Variants in IFFO1 observed in about 807,000 individuals in gnomAD.
The protein encoded by IFFO1 is non-homologous end joining factor IFFO1.
Under a neutral mutation model 59.6 loss-of-function variants are expected in IFFO1, and 42 were observed. The observed-to-expected ratio is 0.70, with a 90% CI of 0.55 to 0.91. IFFO1 has a LOEUF of 0.91. Among genes scored for constraint, IFFO1 ranks in the 40% least tolerant of loss-of-function variants. The pLI, the probability that IFFO1 is intolerant of heterozygous loss-of-function variation, is 0.00. For synonymous variants in IFFO1, 336 were observed against 342.8 expected (o/e 0.98, Z 0.22); for missense variants, 711 against 793.2 (o/e 0.90, Z 1.24).
At chr12:6,542,310 G>A (rs1946754340) in intron 8 of IFFO1, among the ~76,000 whole-genome samples, 2 of 152,182 alleles carry the variant, frequency 1.3e-5, no homozygotes, top group South Asian at 4.1e-4. Flanking sequence ...AAAACACGGG[G>A]CTCAGAATCA....
Position 6,549,996 on chromosome 12 carries a change from C to G in IFFO1, c.931-100G>C, listed in dbSNP as rs1294177617. 3 of 1,313,652 alleles carry G rather than the reference C, an allele frequency of 2.3e-6. No homozygotes were observed. Among genetic ancestry groups the G allele is most frequent in the African/African-American group, 1.5e-5 (1 of 68,182 alleles). The allele number at this position is 1,313,652 out of a possible 1,614,324, so 81.4% of individuals were successfully genotyped here. The stretch of plus-strand genomic sequence containing the variant: ...CCTCATCCTTCCCACCACATTGCAC[C>G]GGTGCCTCTTCTGTGGAGTCTCCCT... On this transcript the variant is annotated intron_variant, in intron 3 of 9. Coordinates refer to ENST00000619571, the MANE Select transcript of IFFO1 (RefSeq NM_001193457.2). The surrounding 1 kb of genome is among the most constrained non-coding windows in gnomAD (Gnocchi z 5.0).
chr12:6,553,614 A>T (rs1474049386), intron 1 of IFFO1, among the ~76,000 whole-genome samples: 6 of 152,144 alleles, frequency 3.9e-5, no homozygotes, highest in Admixed American at 3.9e-4. Flanking sequence ...AGAAAAAAAA[A>T]AAATAGCCAG....
chr12:6,548,334 TGGG>T lies in IFFO1; in HGVS notation c.1383+88_1383+90del. 6.8e-7 allele frequency: 1 copy of T among 1,468,296 alleles called. No homozygotes were observed. The highest frequency in any genetic ancestry group is 9.4e-7 in the Non-Finnish European group (1 of 1,068,470). 91.0% of individuals were successfully genotyped at this position (1,468,296 alleles called of 1,614,324 possible). Reference sequence around the variant, plus strand: ...ACGCAGGTAGAGGATGACAGCCACATGGGGGGACAGAGCAAGGAGAGGAGCGGG... The same window carrying T: ...ACGCAGGTAGAGGATGACAGCCACATGGGACAGAGCAAGGAGAGGAGCGGG... On this transcript the variant is annotated intron_variant, in intron 7 of 9. Transcript: ENST00000619571. The surrounding 1 kb of genome is among the most constrained non-coding windows in gnomAD (Gnocchi z 6.1).
At chr12:6,550,899 T>C (rs749075467) in intron 2 of IFFO1, 42 bp downstream of exon 2, 6 of 1,610,768 alleles carry the variant, frequency 3.7e-6, no homozygotes, top group Non-Finnish European at 5.1e-6. Flanking sequence ...CAGACAGGGG[T>C]ACCCAGGGAA....
At position 6,555,736 on chromosome 12, in the gene IFFO1, G is replaced by A. The variant is rs753222325; in HGVS notation, c.294C>T (p.Asn98=). ...GCTGCAGTTGCTTCTCCAACAGCCGGTTCCGGCGCTCCAGCTCATGCACCT... is the reference window on the plus strand; with the variant it reads ...GCTGCAGTTGCTTCTCCAACAGCCGATTCCGGCGCTCCAGCTCATGCACCT... ...LAKVHELERR[N]RLLEKQLQQA... Residue 98 remains asparagine, a synonymous_variant, in exon 1 of 10, where the codon AAC becomes AAT. Transcript: ENST00000619571. The surrounding 1 kb of genome is among the most constrained non-coding windows in gnomAD (Gnocchi z 8.6). 1 of 1,612,822 alleles carries A rather than the reference G, an allele frequency of 6.2e-7. No homozygotes were observed. The highest frequency in any genetic ancestry group is 1.1e-5 in the South Asian group (1 of 90,982).
intron 8 of IFFO1, among the ~76,000 whole-genome samples, chr12:6,547,766 A>G (rs1947033733): frequency 6.6e-6 from 1 of 151,046 alleles, no homozygotes; most frequent in African/African-American, 2.4e-5. Context: ...AAAGGAAGGA[A>G]GGAAGGAAGG....
intron 8 of IFFO1, among the ~76,000 whole-genome samples, chr12:6,545,700 A>G (rs76831522): frequency 0.031 from 3,003 of 97,806 alleles, 114 homozygotes; most frequent in African/African-American, 0.16. Flanking sequence ...TCCGTCTCGG[A>G]AAAAAAAAAA....
At position 6,540,250 on chromosome 12, in the gene IFFO1, C is replaced by T. The variant is rs1449936337; in HGVS notation, c.*233G>A. On this transcript the variant is annotated 3_prime_UTR_variant, in exon 10 of 10. Transcript: ENST00000619571. The stretch of plus-strand genomic sequence containing the variant: ...ACACCCACGCGTGAAGGCAGGAGAG[C>T]CCCAACTGTGGTGGAAATGGCCCCA... The T allele has an allele frequency of 1.7e-6, 1 of 578,272 alleles. No homozygotes were observed. The highest frequency in any genetic ancestry group is 1.9e-5 in the African/African-American group (1 of 52,916). The allele number at this position is 578,272 out of a possible 1,614,324, so 35.8% of individuals were successfully genotyped here.
Position 6,541,381 on chromosome 12 carries a change from G to C in IFFO1, c.1610+131C>G. 1 of 1,180,222 alleles carries C rather than the reference G, an allele frequency of 8.5e-7. No homozygotes were observed. The highest frequency in any genetic ancestry group is 1.2e-6 in the Non-Finnish European group (1 of 838,540). The allele number at this position is 1,180,222 out of a possible 1,614,324, so 73.1% of individuals were successfully genotyped here. A position where few individuals can be genotyped will look rare whatever the true frequency, so the allele number is the denominator to read the frequency against. ...CTGTGGGTCTGGGCCAGCCCCACCA[G>C]GTAACTCCCAAAGGGCAGCCCCACA... On this transcript the variant is annotated intron_variant, in intron 9 of 9. Transcript: ENST00000619571. The surrounding 1 kb of genome is among the most constrained non-coding windows in gnomAD (Gnocchi z 4.8).
Position 6,549,151 on chromosome 12 carries a change from T to A in IFFO1, c.1081-302A>T. ...TGTGCATGATGGCTCAAGAGGAAAT[T>A]TTTTTCTAAAAAAAGTCTTTTTGAT... On this transcript the variant is annotated intron_variant, in intron 5 of 9. Transcript: ENST00000619571. The surrounding 1 kb of genome is among the most constrained non-coding windows in gnomAD (Gnocchi z 5.0). 2.0e-6 allele frequency: 1 copy of A among 503,470 alleles called. No individual in the cohort carries two copies. Among genetic ancestry groups the A allele is most frequent in the Admixed American group, 3.8e-5 (1 of 26,518 alleles). The allele number at this position is 503,470 out of a possible 1,614,324, so 31.2% of individuals were successfully genotyped here. A position where few individuals can be genotyped will look rare whatever the true frequency, so the allele number is the denominator to read the frequency against.
Position 6,556,036 on chromosome 12 carries a change from G to T in IFFO1, c.-7C>A. On this transcript the variant is annotated 5_prime_UTR_variant, in exon 1 of 10. Coordinates refer to ENST00000619571, the MANE Select transcript of IFFO1 (RefSeq NM_001193457.2). Reference sequence around the variant, plus strand: ...GGCCGAATAACGGATTCATGGCTGCGCCTTCTGCTGGGAGATGCAGACCGG... The same window carrying T: ...GGCCGAATAACGGATTCATGGCTGCTCCTTCTGCTGGGAGATGCAGACCGG... 1 of 1,573,808 alleles carries T rather than the reference G, an allele frequency of 6.4e-7. No individual in the cohort carries two copies. Among genetic ancestry groups the T allele is most frequent in the Non-Finnish European group, 8.6e-7 (1 of 1,168,308 alleles).
At position 6,548,250 on chromosome 12, in the gene IFFO1, A is replaced by G; in HGVS notation, c.1384-90T>C. 6 of 1,332,046 alleles carry G rather than the reference A, an allele frequency of 4.5e-6. No homozygotes were observed. Among genetic ancestry groups the G allele is most frequent in the Non-Finnish European group, 5.4e-6 (5 of 928,508 alleles). 82.5% of individuals were successfully genotyped at this position (1,332,046 alleles called of 1,614,324 possible). ...GGCCAAGTCAGGGAGAGAGAGAGAGAGGAAGTCTGGTTAAAGAAACTGGAG... is the reference window on the plus strand; with the variant it reads ...GGCCAAGTCAGGGAGAGAGAGAGAGGGGAAGTCTGGTTAAAGAAACTGGAG... On this transcript the variant is annotated intron_variant, in intron 7 of 9. Transcript: ENST00000619571. This position sits in a 1 kb window ranked among gnomAD's most constrained non-coding sequence, Gnocchi z 6.1.
chr12:6,547,953 T>C, intron 8 of IFFO1, 112 bp downstream of exon 8: 1 of 800,804 alleles, frequency 1.2e-6, no homozygotes, highest in East Asian at 2.4e-5. Flanking sequence ...TCACTCCTCC[T>C]CCCAAGACCT....
intron 8 of IFFO1, among the ~76,000 whole-genome samples, chr12:6,545,210 G>A (rs1461216751): frequency 6.6e-6 from 1 of 151,898 alleles, no homozygotes; most frequent in East Asian, 1.9e-4. Flanking sequence ...GCGAGACTAC[G>A]TCTCAAAAAA....
Position 6,541,246 on chromosome 12 carries a change from A to G in IFFO1, c.1610+266T>C, listed in dbSNP as rs1946697109. Among the ~76,000 whole-genome samples, 1 of 152,122 alleles carries G rather than the reference A, an allele frequency of 6.6e-6. No individual in the cohort carries two copies. The highest frequency in any genetic ancestry group is 6.5e-5 in the Admixed American group (1 of 15,272). On this transcript the variant is annotated intron_variant, in intron 9 of 9. Transcript: ENST00000619571. The surrounding 1 kb of genome is among the most constrained non-coding windows in gnomAD (Gnocchi z 4.8). ...CCCCACAACCCTTCTGTTCCTTGCCAGTTTTTAAACTGCCTCTAACCAGGG... is the reference window on the plus strand; with the variant it reads ...CCCCACAACCCTTCTGTTCCTTGCCGGTTTTTAAACTGCCTCTAACCAGGG...
chr12:6,553,624 G>C (rs1437095847), intron 1 of IFFO1, among the ~76,000 whole-genome samples: 2 of 152,076 alleles, frequency 1.3e-5, no homozygotes, highest in Non-Finnish European at 2.9e-5. Flanking sequence ...AAAATAGCCA[G>C]GCATGGACAT....
intron 8 of IFFO1, 76 bp downstream of exon 8, chr12:6,547,989 A>G (rs1947043237): frequency 9.5e-7 from 1 of 1,047,596 alleles, no homozygotes; most frequent in Non-Finnish European, 1.5e-6. Flanking sequence ...TGCAGCAGGG[A>G]TGAGGCCACT....
Position 6,555,845 on chromosome 12 carries a change from G to C in IFFO1, c.185C>G (p.Ala62Gly), listed in dbSNP as rs577623375. Residue 62 changes from alanine to glycine, a missense_variant, in exon 1 of 10, where the codon GCC becomes GGC. Coordinates refer to ENST00000619571, the MANE Select transcript of IFFO1 (RefSeq NM_001193457.2). This position sits in a 1 kb window ranked among gnomAD's most constrained non-coding sequence, Gnocchi z 8.6. ...SPPGPGPAPP[A>G]AMALRNDLGS... Reference sequence around the variant, plus strand: ...CAGGTCATTGCGGAGGGCCATGGCGGCAGGCGGGGCCGGGCCCGGCCCGGG... The same window carrying C: ...CAGGTCATTGCGGAGGGCCATGGCGCCAGGCGGGGCCGGGCCCGGCCCGGG... 3.7e-6 allele frequency: 6 copies of C among 1,610,028 alleles called. No individual in the cohort carries two copies. The African/African-American group carries it at 6.7e-5, about 18-fold the overall frequency.
chr12:6,550,126 A>T, intron 3 of IFFO1: 1 of 486,606 alleles, frequency 2.1e-6, no homozygotes, highest in Non-Finnish European at 3.7e-6. Flanking sequence ...GGCCAAACGG[A>T]AGCCCTGGAG....
Sources: allele counts gnomAD v4.1 joint callset (sites outside exome capture counted in the v4.1 genomes callset), GRCh38; gene constraint gnomAD v4.1.1; non-coding constraint Gnocchi (gnomAD v3.1); transcripts MANE v1.5; gene names NCBI Gene and HGNC (gene_info 2026-07-23, HGNC 2026-07-21).